The following RNF169 variants were observed in gnomAD, a reference collection of about 807,000 sequenced individuals.
The protein encoded by RNF169 is ring finger protein 169, also known as E3 ubiquitin-protein ligase RNF169.
A neutral mutation model predicts 53.9 loss-of-function variants in RNF169; 24 were observed. That is an observed-to-expected ratio of 0.45 (90% confidence interval 0.32 to 0.63). The LOEUF (loss-of-function observed/expected upper bound fraction) is 0.63. Ranked by LOEUF, RNF169 falls within the 20% of genes least tolerant of loss-of-function variation. The pLI is 0.04. For missense variants in RNF169, 883 were observed against 906.2 expected, an observed-to-expected ratio of 0.97 and a Z score of 0.33; for synonymous variants, 396 against 363.5, an observed-to-expected ratio of 1.09 and a Z score of -1.02.
At chr11:74,785,336 A>G (rs1285718106) in intron 1 of RNF169, among the ~76,000 whole-genome samples, 1 of 146,562 alleles carries the variant, frequency 6.8e-6, no homozygotes, top group East Asian at 2.0e-4. Flanking sequence ...TATATATAAA[A>G]TTTCCCAAGG....
At chr11:74,761,202 T>C (rs1012092042) in intron 1 of RNF169, among the ~76,000 whole-genome samples, 5 of 142,994 alleles carry the variant, frequency 3.5e-5, no homozygotes, top group African/African-American at 7.8e-5. Context: ...AGCCTATGTG[T>C]GTCTCTGCAC....
At chr11:74,783,910 G>C (rs1334067348) in intron 1 of RNF169, among the ~76,000 whole-genome samples, 2 of 152,154 alleles carry the variant, frequency 1.3e-5, no homozygotes, top group African/African-American at 4.8e-5. Flanking sequence ...CATAATAACT[G>C]TCTTGGCATA....
chr11:74,829,823 TG>T (rs993750724), intron 4 of RNF169, among the ~76,000 whole-genome samples: 7 of 151,788 alleles, frequency 4.6e-5, no homozygotes, highest in African/African-American at 7.3e-5. Context: ...GTGGGGAAAC[TG>T]GGGAAACAAC....
In RNF169 at chr11:74,749,113, CAG is replaced by C; in HGVS notation, c.234_235del (p.Ala79GlyfsTer106). The C allele has an allele frequency of 7.1e-7, 1 of 1,409,552 alleles. No homozygotes were observed. The highest frequency in any genetic ancestry group is 9.3e-7 in the Non-Finnish European group (1 of 1,079,602). 87.3% of individuals were successfully genotyped at this position (1,409,552 alleles called of 1,614,324 possible). A position where few individuals can be genotyped will look rare whatever the true frequency, so the allele number is the denominator to read the frequency against. ...GGGTGCCTGGAGCCCCCCGGAGAAG[CAG>C]CGGCCCTGCCGTGCGGCCACTCGCT... On this transcript the variant is annotated frameshift_variant, in exon 1 of 6. Transcript: ENST00000299563. LOFTEE classifies it high-confidence loss of function.
chr11:74,804,617 CATTT>C (rs1422450858), intron 2 of RNF169, among the ~76,000 whole-genome samples: 2 of 152,152 alleles, frequency 1.3e-5, no homozygotes, highest in Non-Finnish European at 2.9e-5. Flanking sequence ...GTGTAGCTCT[CATTT>C]ATCTCAGTGT....
chr11:74,841,920 C>T lies in RNF169; in HGVS notation c.*5190C>T, dbSNP rs919954561. 3.9e-5 allele frequency: 6 copies of T among 152,116 alleles called. No homozygotes were observed. Among genetic ancestry groups the T allele is most frequent in the Admixed American group, 2.0e-4 (3 of 15,268 alleles). 9.4% of individuals were successfully genotyped at this position (152,116 alleles called of 1,614,324 possible). A position where few individuals can be genotyped will look rare whatever the true frequency, so the allele number is the denominator to read the frequency against. ...TTTGCATCAAACATGGTATTACCAA[C>T]GCTGAGCCTCCAGCAGAGCACTTAA... On this transcript the variant is annotated 3_prime_UTR_variant, in exon 6 of 6. Transcript: ENST00000299563.
chr11:74,841,262 G>A lies in RNF169; in HGVS notation c.*4532G>A, dbSNP rs2036495522. 1 of 152,258 alleles carries A rather than the reference G, an allele frequency of 6.6e-6. No individual in the cohort carries two copies. Among genetic ancestry groups the A allele is most frequent in the East Asian group, 1.9e-4 (1 of 5,170 alleles). The allele number at this position is 152,258 out of a possible 1,614,324, so 9.4% of individuals were successfully genotyped here. On this transcript the variant is annotated 3_prime_UTR_variant, in exon 6 of 6. Coordinates refer to ENST00000299563, the MANE Select transcript of RNF169 (RefSeq NM_001098638.2). ...TTTGAACTGGTATCTAAACATACCT[G>A]GTTATGAATTCTCAAAAGAGAAAGC...
At chr11:74,804,794 G>A (rs988696621) in intron 2 of RNF169, among the ~76,000 whole-genome samples, 6 of 152,032 alleles carry the variant, frequency 3.9e-5, no homozygotes, top group African/African-American at 7.3e-5. Context: ...ACCTATGGAC[G>A]ACGTTAAGAA....
intron 4 of RNF169, among the ~76,000 whole-genome samples, chr11:74,833,777 A>G (rs151305068): frequency 1.9e-3 from 282 of 152,296 alleles, no homozygotes; most frequent in African/African-American, 6.5e-3. Flanking sequence ...TGAGAAATTA[A>G]GTGTCCCTAC....
In RNF169 at chr11:74,836,391, A is replaced by C; in HGVS notation, c.1788A>C (p.Leu596Phe). The C allele has an allele frequency of 1.2e-6, 2 of 1,614,204 alleles. No homozygotes were observed. Among genetic ancestry groups the C allele is most frequent in the Non-Finnish European group, 1.7e-6 (2 of 1,180,024 alleles). Reference sequence around the variant, plus strand: ...AAACAAAGCAACAATTGAAGACATTAAATCATTTTGATCTGACTAATGGTG... The same window carrying C: ...AAACAAAGCAACAATTGAAGACATTCAATCATTTTGATCTGACTAATGGTG... Reference protein sequence around the residue: ...VLKTKQQLKTLNHFDLTNGVL... With the variant: ...VLKTKQQLKTFNHFDLTNGVL... Residue 596 changes from leucine to phenylalanine, a missense_variant, in exon 6 of 6, where the codon TTA (leucine) becomes TTC (phenylalanine). Leu to Phe is a conservative substitution (Grantham distance 22). Around this residue, in one of 3 missense-constraint regions of RNF169, gnomAD observed 351 missense variants for 337.3 expected, o/e 1.04. Coordinates refer to ENST00000299563, the MANE Select transcript of RNF169 (RefSeq NM_001098638.2).
chr11:74,787,199 A>G (rs1293883210), intron 1 of RNF169, among the ~76,000 whole-genome samples: 2 of 152,224 alleles, frequency 1.3e-5, no homozygotes, highest in Non-Finnish European at 2.9e-5. Flanking sequence ...CATAAAAGAA[A>G]AGTTTGATTA....
At chr11:74,777,652 A>T (rs2035356015) in intron 1 of RNF169, among the ~76,000 whole-genome samples, 1 of 146,786 alleles carries the variant, frequency 6.8e-6, no homozygotes, top group South Asian at 2.2e-4. Context: ...GTTGTCTTAA[A>T]TTTTTTTTTT....
In RNF169 at chr11:74,836,870, T is replaced by A. The variant is rs937659022; in HGVS notation, c.*140T>A. ...GTTCTGAGAGGTTCCAGGGCCTTTGTAGTCAATATCCAAGGGAAAAGCATC... is the reference window on the plus strand; with the variant it reads ...GTTCTGAGAGGTTCCAGGGCCTTTGAAGTCAATATCCAAGGGAAAAGCATC... On this transcript the variant is annotated 3_prime_UTR_variant, in exon 6 of 6. Transcript: ENST00000299563. The A allele has an allele frequency of 7.6e-6, 5 of 661,598 alleles. No individual in the cohort carries two copies. Among genetic ancestry groups the A allele is most frequent in the Non-Finnish European group, 1.2e-5 (5 of 400,070 alleles). 41.0% of individuals were successfully genotyped at this position (661,598 alleles called of 1,614,324 possible).
At position 74,749,367 on chromosome 11, in the gene RNF169, G is replaced by T. The variant is rs1318920475; in HGVS notation, c.487G>T (p.Ala163Ser). 3.2e-6 allele frequency: 4 copies of T among 1,242,206 alleles called. No homozygotes were observed. The highest frequency in any genetic ancestry group is 4.0e-6 in the Non-Finnish European group (4 of 990,396). The allele number at this position is 1,242,206 out of a possible 1,614,324, so 76.9% of individuals were successfully genotyped here. A position where few individuals can be genotyped will look rare whatever the true frequency, so the allele number is the denominator to read the frequency against. ...GPRPEQEPRA[A>S]PAEPDFIFRA... ...CAGGCCAGAGCAGGAGCCGCGTGCC[G>T]CGCCTGCGGAGCCAGGTGGAGCTTC... The change falls in exon 1 of 6, where the codon GCG (alanine) becomes TCG (serine). Residue 163 changes from alanine (A) to serine (S), a missense_variant. By Grantham distance (99) the Ala-to-Ser change is moderately conservative (BLOSUM62 1). Coordinates refer to ENST00000299563, the MANE Select transcript of RNF169 (RefSeq NM_001098638.2).
intron 4 of RNF169, among the ~76,000 whole-genome samples, chr11:74,823,541 G>C (rs918955584): frequency 1.3e-5 from 2 of 151,948 alleles, no homozygotes; most frequent in African/African-American, 4.8e-5. Context: ...TTTGAGACTA[G>C]TGTGGGCAAC....
rs2036238769 is a variant in RNF169 at position 74,835,464 on chromosome 11, G to GC, written c.943-80dup. On this transcript the variant is annotated intron_variant, in intron 5 of 5. Coordinates refer to ENST00000299563, the MANE Select transcript of RNF169 (RefSeq NM_001098638.2). ...CTTTTCTTGTCCTCCCCTTCCCTGT[G>GC]CCTCCACCATCATAAAGGAATGATG... is the stretch of plus-strand genomic sequence containing the variant. 2.9e-5 allele frequency: 30 copies of GC among 1,048,340 alleles called. No homozygotes were observed. The South Asian group carries it at 4.4e-4, about 15-fold the overall frequency. 64.9% of individuals were successfully genotyped at this position (1,048,340 alleles called of 1,614,324 possible).
chr11:74,831,352 T>C (rs553653326), intron 4 of RNF169: 5 of 152,072 alleles, frequency 3.3e-5, no homozygotes, highest in Non-Finnish European at 7.4e-5. Flanking sequence ...ACACTAGCAG[T>C]GAACAACCCA....
chr11:74,814,991 TACTAA>T (rs749534703), intron 3 of RNF169, among the ~76,000 whole-genome samples: 23 of 152,136 alleles, frequency 1.5e-4, no homozygotes, highest in Non-Finnish European at 2.4e-4. Flanking sequence ...ATGTGAGGAG[TACTAA>T]ACTAATTTCC....
chr11:74,821,288 A>G (rs1319479051), intron 4 of RNF169, among the ~76,000 whole-genome samples: 3 of 152,176 alleles, frequency 2.0e-5, no homozygotes, highest in Non-Finnish European at 4.4e-5. Flanking sequence ...ATTTAAGAGA[A>G]CTCAAATCCT....
Sources: gnomAD v4.1 joint callset for allele counts (sites outside exome capture counted in the v4.1 genomes callset) on GRCh38, gnomAD v4.1.1 for gene constraint, gnomAD v4.1.1 regional missense constraint, MANE v1.5 for transcripts, NCBI Gene and HGNC (gene_info 2026-07-23, HGNC 2026-07-21) for gene names.